Variants in NLRC5 observed in about 807,000 individuals in gnomAD.
NLRC5 encodes NLR family CARD domain containing 5, also known as protein NLRC5.
NLRC5 carries 114 observed loss-of-function variants against 206.9 expected under a neutral mutation model. That is an observed-to-expected ratio of 0.55 (90% CI 0.47 to 0.64). The LOEUF is 0.64. NLRC5 is among the 30% of genes least tolerant of loss of function. NLRC5 has a pLI of 0.00. For synonymous variants in NLRC5, 952 were observed against 962.8 expected (o/e 0.99, Z 0.21); for missense variants, 2,008 against 2,305.5 (o/e 0.87, Z 2.64).
intron 18 of NLRC5, 103 bp downstream of exon 18, chr16:57,041,677 C>A: frequency 1.1e-6 from 1 of 918,864 alleles, no homozygotes. Flanking sequence ...ACTGTTCTTT[C>A]CCTGCTGAAG....
chr16:56,993,134 C>T (rs551153998), intron 1 of NLRC5, among the ~76,000 whole-genome samples: 16 of 81,848 alleles, frequency 2.0e-4, no homozygotes, highest in East Asian at 1.9e-3. Flanking sequence ...TATATATATA[C>T]ACACACACAC....
chr16:57,045,374 G>T (rs2063805467), intron 20 of NLRC5, 74 bp from the exon 21 acceptor site: 1 of 1,516,006 alleles, frequency 6.6e-7, no homozygotes, highest in South Asian at 1.1e-5. Context: ...GCCCTGACCA[G>T]TCTGGGTTCT....
At chr16:56,991,678 C>CTTTTTTTTT (rs35559322) in intron 1 of NLRC5, among the ~76,000 whole-genome samples, 2 of 105,648 alleles carry the variant, frequency 1.9e-5, no homozygotes, top group South Asian at 3.4e-4. Context: ...GCCCGGACTC[C>CTTTTTTTTT]TTTTTTTTTT....
chr16:57,052,473 CAGAAAAAAAAAA>C (rs2144294578), intron 24 of NLRC5: 2 of 143,204 alleles, frequency 1.4e-5, no homozygotes, highest in South Asian at 4.4e-4. Flanking sequence ...AACTCCATCT[CAGAAAAAAAAAA>C]AGAAAAAAAG....
At chr16:57,053,546 T>G (rs1286408254) in intron 24 of NLRC5, among the ~76,000 whole-genome samples, 1 of 152,106 alleles carries the variant, frequency 6.6e-6, no homozygotes, top group Non-Finnish European at 1.5e-5. Context: ...TTCTTTTTTG[T>G]GGGGGAGGGT....
At chr16:57,002,191 A>G (rs2058335511) in intron 1 of NLRC5, among the ~76,000 whole-genome samples, 1 of 152,198 alleles carries the variant, frequency 6.6e-6, no homozygotes, top group African/African-American at 2.4e-5. Flanking sequence ...TCTGTCACCC[A>G]GGCTGGAGTG....
At chr16:57,065,354 C>G in intron 33 of NLRC5, 56 bp downstream of exon 33, 1 of 1,287,564 alleles carries the variant, frequency 7.8e-7, no homozygotes, top group Non-Finnish European at 1.1e-6. Flanking sequence ...AGCATTGGGA[C>G]TTTTCCTTGA....
At chr16:56,997,167 C>T (rs552874423) in intron 1 of NLRC5, among the ~76,000 whole-genome samples, 2 of 152,284 alleles carry the variant, frequency 1.3e-5, no homozygotes, top group African/African-American at 4.8e-5. Flanking sequence ...CCACTGTGCC[C>T]GGCCAGCATA....
At chr16:57,068,836 G>A (rs1268506052) in intron 36 of NLRC5, among the ~76,000 whole-genome samples, 2 of 152,170 alleles carry the variant, frequency 1.3e-5, no homozygotes, top group African/African-American at 2.4e-5. Flanking sequence ...TCTGGAACAC[G>A]TCCTTGGCCC....
At chr16:57,031,329 A>T in intron 10 of NLRC5, 75 bp from the exon 11 acceptor site, 1 of 1,497,820 alleles carries the variant, frequency 6.7e-7, no homozygotes, top group Non-Finnish European at 9.3e-7. Context: ...TTGGGGCAGA[A>T]AAGGGTGTGC....
At chr16:57,011,471 C>T (rs1472741862) in intron 1 of NLRC5, among the ~76,000 whole-genome samples, 1 of 151,954 alleles carries the variant, frequency 6.6e-6, no homozygotes, top group Non-Finnish European at 1.5e-5. Context: ...CCTGTAATCC[C>T]AGCACTTACG....
chr16:56,995,233 C>T (rs1404266218), intron 1 of NLRC5, among the ~76,000 whole-genome samples: 1 of 152,162 alleles, frequency 6.6e-6, no homozygotes, highest in South Asian at 2.1e-4. Flanking sequence ...AGTGCCCACC[C>T]ACCTCCTCCC....
At chr16:56,995,854 G>T (rs1193413373) in intron 1 of NLRC5, among the ~76,000 whole-genome samples, 1 of 152,192 alleles carries the variant, frequency 6.6e-6, no homozygotes, top group Non-Finnish European at 1.5e-5. Flanking sequence ...TTATTGAAAT[G>T]GACAGGTCAG....
At chr16:57,029,936 G>T in intron 9 of NLRC5, 59 bp from the exon 10 acceptor site, 1 of 1,609,824 alleles carries the variant, frequency 6.2e-7, no homozygotes, top group South Asian at 1.1e-5. Context: ...AGGCAAGGAA[G>T]GTCTGGGGCC....
Position 57,031,388 on chromosome 16 carries a change from G to A in NLRC5, c.2418-16G>A. 1.9e-6 allele frequency: 3 copies of A among 1,613,950 alleles called. No homozygotes were observed. The highest frequency in any genetic ancestry group is 2.5e-6 in the Non-Finnish European group (3 of 1,179,940). ...TCCAGTCTCTGGGTTTCATGGCTTG[G>A]TATCTGATCCTGCAGGGAGGCGGAC... On this transcript the variant is annotated splice_polypyrimidine_tract_variant and intron_variant, in intron 10 of 48. Transcript: ENST00000688547.
intron 20 of NLRC5, 150 bp downstream of exon 20, chr16:57,043,754 C>T (rs550677298): frequency 1.3e-5 from 9 of 679,962 alleles, no homozygotes; most frequent in African/African-American, 3.5e-5. Flanking sequence ...ATGTGATGGG[C>T]GTCCACTGAA....
Position 57,083,067 on chromosome 16 carries a change from A to C in NLRC5, c.*539A>C, listed in dbSNP as rs1186684785. 1 of 152,392 alleles carries C rather than the reference A, an allele frequency of 6.6e-6. No individual in the cohort carries two copies. Among genetic ancestry groups the C allele is most frequent in the African/African-American group, 2.4e-5 (1 of 41,476 alleles). 9.4% of individuals were successfully genotyped at this position (152,392 alleles called of 1,614,324 possible). On this transcript the variant is annotated 3_prime_UTR_variant, in exon 49 of 49. Transcript: ENST00000688547. ...ATTGTGTGTATGGAGCAGCTAAGTC[A>C]GGAAAAGTCTTCCGCCCGAGCTGGG...
Position 57,025,838 on chromosome 16 carries a change from G to A in NLRC5, c.895G>A (p.Ala299Thr). 3 of 1,614,230 alleles carry A rather than the reference G, an allele frequency of 1.9e-6. No individual in the cohort carries two copies. Among genetic ancestry groups the A allele is most frequent in the Non-Finnish European group, 2.5e-6 (3 of 1,180,038 alleles). ...TGTCTTCCAGTACCTGGAGAAGAACGCTGACCAAGTCCTGCTGATCTTTGA... is the reference window on the plus strand; with the variant it reads ...TGTCTTCCAGTACCTGGAGAAGAACACTGACCAAGTCCTGCTGATCTTTGA... ...DTVFQYLEKN[A>T]DQVLLIFDGL... Residue 299 changes from alanine to threonine, a missense_variant, in exon 6 of 49, where the codon GCT becomes ACT. Coordinates refer to ENST00000688547, the MANE Select transcript of NLRC5 (RefSeq NM_001384950.1).
chr16:57,074,828 G>T (rs1271030535), intron 39 of NLRC5, 145 bp downstream of exon 39: 2 of 755,978 alleles, frequency 2.6e-6, no homozygotes, highest in South Asian at 1.5e-5. Context: ...CCTCCCAGGT[G>T]GGTGCCCACT....
Sources: gnomAD v4.1 joint callset for allele counts (sites outside exome capture counted in the v4.1 genomes callset) on GRCh38, gnomAD v4.1.1 for gene constraint, MANE v1.5 for transcripts, NCBI Gene and HGNC (gene_info 2026-07-23, HGNC 2026-07-21) for gene names.